Variants in TPD52 observed in about 807,000 individuals in gnomAD.
The protein encoded by TPD52 is prostate and colon associated protein.
Under a neutral mutation model 31.3 loss-of-function variants are expected in TPD52, and 17 were observed. That is an observed-to-expected ratio of 0.54 (90% CI 0.37 to 0.82). The LOEUF is 0.82. Ranked by LOEUF, TPD52 falls within the 40% of genes least tolerant of loss-of-function variation. TPD52 has a pLI of 0.00. For synonymous variants in TPD52, 83 were observed against 89.6 expected (o/e 0.93, Z 0.42); for missense variants, 212 against 240.1 (o/e 0.88, Z 0.77).
At chr8:80,155,522 G>C (rs766671082) in intron 1 of TPD52, among the ~76,000 whole-genome samples, 1 of 152,168 alleles carries the variant, frequency 6.6e-6, no homozygotes, top group Non-Finnish European at 1.5e-5. Context: ...AGGGGGACTC[G>C]AGGCATCTGA....
intron 1 of TPD52, among the ~76,000 whole-genome samples, chr8:80,119,400 G>A (rs968576129): frequency 6.6e-6 from 1 of 152,154 alleles, no homozygotes; most frequent in African/African-American, 2.4e-5. Flanking sequence ...TGAATGAGCT[G>A]TATGGTTATC....
rs556235033 is a variant in TPD52 at position 80,071,642 on chromosome 8, C to T, written c.20-7049G>A. ...TTTTTCTCTTCCTACCTCTCTGAGA[C>T]GTCATGGCTCCATCTCACTCTCTGG... is the stretch of plus-strand genomic sequence containing the variant. On this transcript the variant is annotated intron_variant, in intron 1 of 7. Coordinates refer to ENST00000518937, the MANE Select transcript of TPD52 (RefSeq NM_001025253.3). Among the ~76,000 whole-genome samples, 8 of 152,260 alleles carry T rather than the reference C, an allele frequency of 5.3e-5. No individual in the cohort carries two copies. The South Asian group carries it at 6.2e-4, about 12-fold the overall frequency.
chr8:80,107,121 G>C (rs1320422625), intron 1 of TPD52, among the ~76,000 whole-genome samples: 2 of 152,158 alleles, frequency 1.3e-5, no homozygotes, highest in Non-Finnish European at 2.9e-5. Flanking sequence ...AAAGTGCTGG[G>C]ATTACAGGCG....
chr8:80,170,937 T>G (rs1004105445), intron 1 of TPD52: 49 of 347,360 alleles, frequency 1.4e-4, no homozygotes, highest in Admixed American at 6.6e-4. Flanking sequence ...CCCCCATGGG[T>G]CATACGCCAC....
intron 1 of TPD52, among the ~76,000 whole-genome samples, chr8:80,092,698 A>T (rs1816373375): frequency 1.3e-5 from 2 of 152,220 alleles, no homozygotes; most frequent in Admixed American, 6.5e-5. Flanking sequence ...TTCTCACTCA[A>T]GTGGAGCTAA....
intron 1 of TPD52, among the ~76,000 whole-genome samples, chr8:80,108,619 A>T (rs935555859): frequency 6.6e-6 from 1 of 152,252 alleles, no homozygotes; most frequent in Non-Finnish European, 1.5e-5. Flanking sequence ...CAGGTTTCTT[A>T]TAACTTTAAA....
At chr8:80,144,204 TTC>T (rs1239073408) in intron 1 of TPD52, among the ~76,000 whole-genome samples, 1 of 152,224 alleles carries the variant, frequency 6.6e-6, no homozygotes, top group Non-Finnish European at 1.5e-5. Flanking sequence ...TAATATTTTG[TTC>T]TTTTTCCTAC....
intron 1 of TPD52, among the ~76,000 whole-genome samples, chr8:80,071,215 C>T (rs1171709298): frequency 2.0e-5 from 3 of 152,136 alleles, no homozygotes; most frequent in African/African-American, 7.2e-5. Context: ...GAATGGCTAC[C>T]GCAGCCCCAG....
chr8:80,119,859 C>G (rs1291652457), intron 1 of TPD52: 2 of 414,866 alleles, frequency 4.8e-6, no homozygotes, highest in South Asian at 3.6e-5. Flanking sequence ...CTAATTCAAG[C>G]CAGAAATTCC....
intron 1 of TPD52, among the ~76,000 whole-genome samples, chr8:80,113,733 G>T (rs74475897): frequency 6.6e-6 from 1 of 152,170 alleles, no homozygotes; most frequent in South Asian, 2.1e-4. Flanking sequence ...GTGGCCTCAT[G>T]GAAGTAGAGA....
At chr8:80,127,380 T>C (rs958388159) in intron 1 of TPD52, among the ~76,000 whole-genome samples, 2 of 152,216 alleles carry the variant, frequency 1.3e-5, no homozygotes, top group Non-Finnish European at 2.9e-5. Flanking sequence ...TGACAATCAT[T>C]GTATAAATGC....
At position 80,124,538 on chromosome 8, in the gene TPD52, G is replaced by A. The variant is rs548701126; in HGVS notation, c.19+46887C>T. The stretch of plus-strand genomic sequence containing the variant: ...ACCTAGACATCAGTAGTGTGTATAC[G>A]TACGTTTACACATACACATACACAC... On this transcript the variant is annotated intron_variant, in intron 1 of 7. Coordinates refer to ENST00000518937, the MANE Select transcript of TPD52 (RefSeq NM_001025253.3). 3.9e-5 allele frequency among the ~76,000 whole-genome samples: 6 copies of A among 152,236 alleles called. No individual in the cohort carries two copies. In the South Asian group the frequency reaches 1.2e-3, roughly 32 times the overall value.
At chr8:80,103,068 T>C (rs1399217957) in intron 1 of TPD52, among the ~76,000 whole-genome samples, 1 of 152,190 alleles carries the variant, frequency 6.6e-6, no homozygotes, top group African/African-American at 2.4e-5. Context: ...ATATTTATCC[T>C]CTGGCATATC....
chr8:80,108,553 T>C (rs1185411535), intron 1 of TPD52, among the ~76,000 whole-genome samples: 2 of 152,190 alleles, frequency 1.3e-5, no homozygotes, highest in Admixed American at 6.5e-5. Flanking sequence ...TAGTCCAAAA[T>C]TGCTTCTTCT....
rs59543038 is a variant in TPD52, at chr8:80,150,373, AG to A, written c.19+21051del. Among the ~76,000 whole-genome samples the A allele has an allele frequency of 9.7e-3, 1,483 of 152,332 alleles. 25 individuals are homozygous for A. Among genetic ancestry groups the A allele is most frequent in the African/African-American group, 0.033 (1,369 of 41,574 alleles). On this transcript the variant is annotated intron_variant, in intron 1 of 7. Coordinates refer to ENST00000518937, the MANE Select transcript of TPD52 (RefSeq NM_001025253.3). ...AGAACCTCTGCTAGGGCAGTGCAGG[AG>A]CGAAATGTGGGTATGGAGCCCCTAC...
At chr8:80,170,559 C>T (rs1322541120) in intron 1 of TPD52, among the ~76,000 whole-genome samples, 1 of 152,170 alleles carries the variant, frequency 6.6e-6, no homozygotes, top group Non-Finnish European at 1.5e-5. Flanking sequence ...TGTCAGGGCT[C>T]AAAACAGGAG....
intron 1 of TPD52, chr8:80,080,876 TAAA>T (rs912479743): frequency 7.3e-6 from 4 of 549,910 alleles, no homozygotes; most frequent in African/African-American, 2.1e-5. Flanking sequence ...AATAAATAAA[TAAA>T]AAAATCAGCT....
chr8:80,126,861 A>C lies in TPD52; in HGVS notation c.19+44564T>G, dbSNP rs180751002. On this transcript the variant is annotated intron_variant, in intron 1 of 7. Coordinates refer to ENST00000518937, the MANE Select transcript of TPD52 (RefSeq NM_001025253.3). ...CATATCAGGCAGGGCACAATGGCTC[A>C]TACCTTTAACCCAATACTTGGAGGT... Among the ~76,000 whole-genome samples the C allele has an allele frequency of 1.1e-4, 16 of 152,302 alleles. No homozygotes were observed. The East Asian group carries it at 3.1e-3, about 29-fold the overall frequency.
At chr8:80,127,982 T>G (rs1355966782) in intron 1 of TPD52, among the ~76,000 whole-genome samples, 1 of 149,580 alleles carries the variant, frequency 6.7e-6, no homozygotes, top group Non-Finnish European at 1.5e-5. Flanking sequence ...GGTTTTGGTT[T>G]GTATTTCTGT....
Sources: allele counts gnomAD v4.1 joint callset (sites outside exome capture counted in the v4.1 genomes callset), GRCh38; gene constraint gnomAD v4.1.1; transcripts MANE v1.5; gene names NCBI Gene and HGNC (gene_info 2026-07-23, HGNC 2026-07-21).